The following RAPGEF4 variants were observed in gnomAD, a reference collection of about 807,000 sequenced individuals.
RAPGEF4 encodes Rap guanine nucleotide exchange factor 4, also known as RAP guanine-nucleotide-exchange factor (GEF) 4.
A neutral mutation model predicts 147.9 loss-of-function variants in RAPGEF4; 66 were observed. That is an observed-to-expected ratio of 0.45 (90% CI 0.37 to 0.55). RAPGEF4 has a LOEUF of 0.55. Among genes scored for constraint, RAPGEF4 ranks in the 20% least tolerant of loss-of-function variants. The probability of loss-of-function intolerance (pLI) is 0.00; values close to 1 mark genes in which losing one functional copy is unlikely to be tolerated. For synonymous variants in RAPGEF4, 419 were observed against 442.7 expected (o/e 0.95, Z 0.67); for missense variants, 1,071 against 1,257.3 (o/e 0.85, Z 2.24).
At chr2:172,778,309 T>C (rs1189805178) in intron 1 of RAPGEF4, among the ~76,000 whole-genome samples, 1 of 152,236 alleles carries the variant, frequency 6.6e-6, no homozygotes, top group Non-Finnish European at 1.5e-5. Flanking sequence ...GCATGAGTTC[T>C]AGTTCCTTAT....
intron 4 of RAPGEF4, among the ~76,000 whole-genome samples, chr2:172,851,800 T>TGG (rs774177299): frequency 3.3e-5 from 5 of 151,740 alleles, no homozygotes; most frequent in Non-Finnish European, 7.4e-5. Flanking sequence ...TACTTAAAGG[T>TGG]GGAGGGTAGG....
At chr2:172,846,067 G>T (rs940298745) in intron 4 of RAPGEF4, among the ~76,000 whole-genome samples, 7 of 152,118 alleles carry the variant, frequency 4.6e-5, no homozygotes, top group Admixed American at 6.5e-5. Context: ...GACTCCCTTT[G>T]CAAATCTTTT....
At position 172,830,596 on chromosome 2, in the gene RAPGEF4, CTGTT is replaced by C. The variant is rs764364215; in HGVS notation, c.444+16181_444+16184del. On this transcript the variant is annotated intron_variant, in intron 4 of 30. Coordinates refer to ENST00000397081, the MANE Select transcript of RAPGEF4 (RefSeq NM_007023.4). ...CAACCCATCACGCAAAACAAGAATC[CTGTT>C]TGTTTGTTTATTTATTCATTTGAGA... 1.4e-3 allele frequency among the ~76,000 whole-genome samples: 217 copies of C among 151,956 alleles called. 1 individual carries two copies. Among genetic ancestry groups the C allele is most frequent in the Non-Finnish European group, 2.7e-3 (182 of 67,972 alleles).
intron 17 of RAPGEF4, among the ~76,000 whole-genome samples, chr2:173,009,581 C>T (rs1029907215): frequency 1.3e-5 from 2 of 150,122 alleles, no homozygotes; most frequent in Admixed American, 1.3e-4. Context: ...GCAAACATTC[C>T]AAAATCCAAA....
chr2:173,012,870 T>C (rs1313807225), intron 17 of RAPGEF4, among the ~76,000 whole-genome samples: 1 of 152,178 alleles, frequency 6.6e-6, no homozygotes, highest in Non-Finnish European at 1.5e-5. Context: ...AAAATGGTCA[T>C]AAAATATAAT....
At chr2:172,900,581 T>G (rs1429255142) in intron 4 of RAPGEF4, among the ~76,000 whole-genome samples, 1 of 152,200 alleles carries the variant, frequency 6.6e-6, no homozygotes, top group Non-Finnish European at 1.5e-5. Context: ...CTAGCAAAGT[T>G]GCAGGAATAA....
rs1693898427 is a variant in RAPGEF4 at position 173,001,359 on chromosome 2, T to TGATTGTAAG, written c.1658+16_1658+24dup. 1 of 1,613,614 alleles carries TGATTGTAAG rather than the reference T, an allele frequency of 6.2e-7. No homozygotes were observed. The highest frequency in any genetic ancestry group is 8.5e-7 in the Non-Finnish European group (1 of 1,179,876). On this transcript the variant is annotated intron_variant, in intron 17 of 30. Coordinates refer to ENST00000397081, the MANE Select transcript of RAPGEF4 (RefSeq NM_007023.4). ...CTGGTGGCCCAATATCCTTTTATTG[T>TGATTGTAAG]GATTGTAAGTCCCTATTCCCTCGAA...
At chr2:172,801,755 G>A (rs1347308123) in intron 3 of RAPGEF4, among the ~76,000 whole-genome samples, 3 of 152,156 alleles carry the variant, frequency 2.0e-5, no homozygotes, top group African/African-American at 7.2e-5. Flanking sequence ...GAAGGGGAAG[G>A]AAGAGAGGTG....
intron 4 of RAPGEF4, among the ~76,000 whole-genome samples, chr2:172,843,635 T>C (rs1691856639): frequency 6.6e-6 from 1 of 152,230 alleles, no homozygotes. Context: ...AAACCTGACC[T>C]GAACAGGTAT....
chr2:173,036,129 C>T lies in RAPGEF4; in HGVS notation c.2705C>T (p.Pro902Leu). The T allele has an allele frequency of 1.2e-6, 2 of 1,608,594 alleles. No individual in the cohort carries two copies. Among genetic ancestry groups the T allele is most frequent in the Non-Finnish European group, 8.5e-7 (1 of 1,175,368 alleles). Residue 902 changes from proline to leucine, a missense_variant, in exon 28 of 31, where the codon CCT (proline) becomes CTT (leucine). Physicochemically the swap from Pro to Leu is moderately conservative, Grantham distance 98. Transcript: ENST00000397081. ...CATCTCTTTTTCTCTCCTAAGGACC[C>T]TTCAAGGAACCACAGGGCCTACAGG... ...FYAEFESLMD[P>L]SRNHRAYRLT...
At chr2:172,819,692 C>T (rs1036584872) in intron 4 of RAPGEF4, among the ~76,000 whole-genome samples, 2 of 151,872 alleles carry the variant, frequency 1.3e-5, no homozygotes, top group South Asian at 2.1e-4. Flanking sequence ...GTCTCGATCT[C>T]CTGACCTCGT....
intron 28 of RAPGEF4, 24 bp downstream of exon 28, chr2:173,036,236 C>A: frequency 6.6e-7 from 1 of 1,520,296 alleles, no homozygotes; most frequent in Non-Finnish European, 9.1e-7. Flanking sequence ...GATGCACAGG[C>A]CAAGCAGGTG....
chr2:172,964,250 C>T (rs1250277754), intron 8 of RAPGEF4, among the ~76,000 whole-genome samples: 1 of 151,958 alleles, frequency 6.6e-6, no homozygotes, highest in East Asian at 1.9e-4. Flanking sequence ...AATATAATGG[C>T]CTTCTCAGTA....
rs1691308321 is a variant in RAPGEF4 at position 172,978,243 on chromosome 2, A to G, written c.1005-5253A>G. On this transcript the variant is annotated intron_variant, in intron 10 of 30. Coordinates refer to ENST00000397081, the MANE Select transcript of RAPGEF4 (RefSeq NM_007023.4). ...TGGAAATGCTGGGGGCTGTCCCTGC[A>G]AGGAGGCAGTTTTCTTGGCAGGCTT... Among the ~76,000 whole-genome samples, 2 of 152,146 alleles carry G rather than the reference A, an allele frequency of 1.3e-5. 1 individual carries two copies. Among genetic ancestry groups the G allele is most frequent in the South Asian group, 4.1e-4 (2 of 4,828 alleles).
chr2:172,835,263 G>C (rs1042549883), intron 4 of RAPGEF4, among the ~76,000 whole-genome samples: 3 of 152,240 alleles, frequency 2.0e-5, no homozygotes, highest in African/African-American at 7.2e-5. Flanking sequence ...TTAGAGGACA[G>C]ATATGCAGTT....
At chr2:172,864,303 A>G (rs1322832973) in intron 4 of RAPGEF4, among the ~76,000 whole-genome samples, 1 of 152,212 alleles carries the variant, frequency 6.6e-6, no homozygotes, top group African/African-American at 2.4e-5. Flanking sequence ...TCAAAGGGCA[A>G]TGAAGGGAGC....
intron 4 of RAPGEF4, among the ~76,000 whole-genome samples, chr2:172,844,839 A>G (rs1691995482): frequency 6.6e-6 from 1 of 152,240 alleles, no homozygotes; most frequent in Non-Finnish European, 1.5e-5. Flanking sequence ...TTTCAGTTTA[A>G]TGTCATCTAC....
At chr2:172,942,947 A>G (rs1470072762) in intron 6 of RAPGEF4, among the ~76,000 whole-genome samples, 1 of 152,126 alleles carries the variant, frequency 6.6e-6, no homozygotes, top group African/African-American at 2.4e-5. Context: ...CAGTGGTCAC[A>G]TCTGGCTGGC....
At chr2:172,850,844 T>C (rs1176540325) in intron 4 of RAPGEF4, among the ~76,000 whole-genome samples, 2 of 152,180 alleles carry the variant, frequency 1.3e-5, no homozygotes, top group Non-Finnish European at 2.9e-5. Flanking sequence ...TTTTCCTTAT[T>C]GGTCTAACTA....
Sources: allele counts gnomAD v4.1 joint callset (sites outside exome capture counted in the v4.1 genomes callset), GRCh38; gene constraint gnomAD v4.1.1; transcripts MANE v1.5; gene names NCBI Gene and HGNC (gene_info 2026-07-23, HGNC 2026-07-21).